Variants in ARFIP1 observed in about 807,000 individuals in gnomAD.
The protein encoded by ARFIP1 is ARF interacting protein 1.
A neutral mutation model predicts 42.5 loss-of-function variants in ARFIP1; 24 were observed. That is an observed-to-expected ratio of 0.57 (90% CI 0.41 to 0.80). ARFIP1 has a LOEUF of 0.80. ARFIP1 is among the 30% of genes least tolerant of loss of function. ARFIP1 has a pLI of 0.00. For missense variants in ARFIP1, 354 were observed against 434.0 expected, an observed-to-expected ratio of 0.82 and a Z score of 1.64; for synonymous variants, 141 against 153.7, an observed-to-expected ratio of 0.92 and a Z score of 0.61.
intron 3 of ARFIP1, 103 bp from the exon 4 acceptor site, chr4:152,870,650 G>A (rs945283346): frequency 1.3e-6 from 1 of 773,250 alleles, no homozygotes; most frequent in Non-Finnish European, 2.2e-6. Flanking sequence ...TTTAATCCTA[G>A]TGTTTGAATA....
rs928749834 is a variant in ARFIP1, at chr4:152,911,870, G to A, written c.*1651G>A. 1 of 152,514 alleles carries A rather than the reference G, an allele frequency of 6.6e-6. No homozygotes were observed. The highest frequency in any genetic ancestry group is 3.4e-3 in the Middle Eastern group (1 of 294). The allele number at this position is 152,514 out of a possible 1,614,324, so 9.4% of individuals were successfully genotyped here. A position where few individuals can be genotyped will look rare whatever the true frequency, so the allele number is the denominator to read the frequency against. ...TTACATTCCCCAGAATGTGCCTCTA[G>A]TGTGAATTTTGTATTCTTATTAAAC... On this transcript the variant is annotated 3_prime_UTR_variant, in exon 9 of 9. Transcript: ENST00000353617.
intron 5 of ARFIP1, 39 bp from the exon 6 acceptor site, chr4:152,880,924 G>GT (rs780296505): frequency 3.9e-5 from 60 of 1,529,474 alleles, no homozygotes; most frequent in Non-Finnish European, 4.8e-5. Flanking sequence ...ATTTTGTTTT[G>GT]TTTTTTCTTT....
At chr4:152,797,441 C>T (rs903433369) in intron 1 of ARFIP1, among the ~76,000 whole-genome samples, 3 of 152,148 alleles carry the variant, frequency 2.0e-5, no homozygotes, top group South Asian at 2.1e-4. Context: ...CCTATTCTTG[C>T]GTGTTTGATT....
At chr4:152,816,891 C>A (rs759443500) in intron 1 of ARFIP1, among the ~76,000 whole-genome samples, 1 of 152,192 alleles carries the variant, frequency 6.6e-6, no homozygotes, top group Non-Finnish European at 1.5e-5. Context: ...TTACTATATT[C>A]GTAATCTGTT....
chr4:152,814,605 G>C (rs1196306796), intron 1 of ARFIP1, among the ~76,000 whole-genome samples: 1 of 152,182 alleles, frequency 6.6e-6, no homozygotes, highest in East Asian at 1.9e-4. Context: ...GTGGAGGATT[G>C]CCTGAGCTTG....
Position 152,889,608 on chromosome 4 carries a change from A to G in ARFIP1, c.966+1301A>G, listed in dbSNP as rs187177160. The stretch of plus-strand genomic sequence containing the variant: ...ATATACACATAAATATATATATACT[A>G]TATATACATATATATACTATATAGT... On this transcript the variant is annotated intron_variant, in intron 8 of 8. Coordinates refer to ENST00000353617, the MANE Select transcript of ARFIP1 (RefSeq NM_001025595.3). Among the ~76,000 whole-genome samples the G allele has an allele frequency of 7.7e-3, 989 of 128,778 alleles. 22 individuals are homozygous for G. Among genetic ancestry groups the G allele is most frequent in the African/African-American group, 0.027 (927 of 33,730 alleles). 84.5% of individuals were successfully genotyped at this position (128,778 alleles called of 152,430 possible).
intron 1 of ARFIP1, among the ~76,000 whole-genome samples, chr4:152,800,743 A>G (rs1312046976): frequency 1.3e-5 from 2 of 152,194 alleles, no homozygotes; most frequent in East Asian, 1.9e-4. Flanking sequence ...GACATCTAAA[A>G]AGTGAAACGA....
At chr4:152,793,331 TATATATATATA>T (rs1402091466) in intron 1 of ARFIP1, among the ~76,000 whole-genome samples, 4 of 147,430 alleles carry the variant, frequency 2.7e-5, no homozygotes, top group African/African-American at 9.9e-5. Context: ...AAAAATGATA[TATATATATATA>T]ATATATATAT....
chr4:152,850,203 T>G (rs1334822558), intron 2 of ARFIP1, among the ~76,000 whole-genome samples: 1 of 152,208 alleles, frequency 6.6e-6, no homozygotes, highest in Non-Finnish European at 1.5e-5. Context: ...TATAGCAACT[T>G]ACTACCTACC....
chr4:152,853,862 T>C (rs1349568764), intron 2 of ARFIP1, among the ~76,000 whole-genome samples: 1 of 151,748 alleles, frequency 6.6e-6, no homozygotes, highest in East Asian at 1.9e-4. Context: ...TATTTTTTTC[T>C]GATTGGGTTC....
intron 1 of ARFIP1, among the ~76,000 whole-genome samples, chr4:152,808,898 G>A (rs1040055476): frequency 2.6e-5 from 4 of 152,078 alleles, no homozygotes; most frequent in African/African-American, 7.2e-5. Context: ...GTGAAACCCC[G>A]TGGTGTTTCA....
At chr4:152,809,533 A>C (rs1729282425) in intron 1 of ARFIP1, 1 of 152,204 alleles carries the variant, frequency 6.6e-6, no homozygotes, top group African/African-American at 2.4e-5. Flanking sequence ...GAGGGTTGAT[A>C]ATCGTTGGCA....
intron 1 of ARFIP1, among the ~76,000 whole-genome samples, chr4:152,787,735 G>C (rs1730893659): frequency 6.6e-6 from 1 of 152,142 alleles, no homozygotes; most frequent in Admixed American, 6.6e-5. Flanking sequence ...ATGTGTATAA[G>C]GTGTATATGA....
At chr4:152,867,088 C>T (rs1383261713) in intron 3 of ARFIP1, among the ~76,000 whole-genome samples, 6 of 151,482 alleles carry the variant, frequency 4.0e-5, no homozygotes, top group South Asian at 2.1e-4. Flanking sequence ...ACTTCCCAGA[C>T]GGGGTGGCGG....
chr4:152,798,300 T>C lies in ARFIP1; in HGVS notation c.-10+18074T>C, dbSNP rs75100936. Among the ~76,000 whole-genome samples the C allele has an allele frequency of 1.3e-3, 198 of 152,342 alleles. 2 individuals carry two copies. In the East Asian group the frequency reaches 0.033, roughly 26 times the overall value. Reference sequence around the variant, plus strand: ...TAGTGGTAGAAATGGTGGGCATCTTTGCCTTTTTCCTGATCTTAGTGGAAA... The same window carrying C: ...TAGTGGTAGAAATGGTGGGCATCTTCGCCTTTTTCCTGATCTTAGTGGAAA... On this transcript the variant is annotated intron_variant, in intron 1 of 8. Coordinates refer to ENST00000353617, the MANE Select transcript of ARFIP1 (RefSeq NM_001025595.3).
chr4:152,785,874 T>A (rs1730773691), intron 1 of ARFIP1, among the ~76,000 whole-genome samples: 1 of 152,244 alleles, frequency 6.6e-6, no homozygotes, highest in African/African-American at 2.4e-5. Flanking sequence ...CATTTCAGTG[T>A]CAGTATCATA....
At chr4:152,792,970 C>A (rs1731222884) in intron 1 of ARFIP1, among the ~76,000 whole-genome samples, 2 of 152,028 alleles carry the variant, frequency 1.3e-5, no homozygotes, top group Admixed American at 6.6e-5. Context: ...TACAGTAGAA[C>A]CCCCAGAGAT....
intron 8 of ARFIP1, among the ~76,000 whole-genome samples, chr4:152,906,400 A>G (rs181053729): frequency 2.5e-4 from 38 of 152,300 alleles, no homozygotes; most frequent in Admixed American, 2.4e-3. Context: ...GGTAAATGCA[A>G]CTTCATTCTT....
intron 5 of ARFIP1, among the ~76,000 whole-genome samples, chr4:152,876,870 G>C (rs1000830084): frequency 6.6e-6 from 1 of 152,232 alleles, no homozygotes; most frequent in East Asian, 1.9e-4. Flanking sequence ...TGGCTTCAGA[G>C]GGTGGAAGCC....
Sources: allele counts gnomAD v4.1 joint callset (sites outside exome capture counted in the v4.1 genomes callset), GRCh38; gene constraint gnomAD v4.1.1; transcripts MANE v1.5; gene names NCBI Gene and HGNC (gene_info 2026-07-23, HGNC 2026-07-21).